Variants in SLC2A11 observed in about 807,000 individuals in gnomAD.
SLC2A11 encodes solute carrier family 2 member 11.
SLC2A11 carries 43 observed loss-of-function variants against 52.1 expected under a neutral mutation model. That is an observed-to-expected ratio of 0.82 (90% CI 0.65 to 1.06). SLC2A11 has a LOEUF of 1.06. SLC2A11 is among the 50% of genes least tolerant of loss of function. SLC2A11 has a pLI of 0.00. For missense variants in SLC2A11, 582 were observed against 654.2 expected (o/e 0.89, Z 1.20); for synonymous variants, 261 against 277.6 (o/e 0.94, Z 0.59).
At chr22:23,858,228 G>A in intron 1 of SLC2A11, 199 bp downstream of exon 1, 2 of 849,594 alleles carry the variant, frequency 2.4e-6, no homozygotes, top group Non-Finnish European at 3.9e-6. Context: ...GTCGGCCTGT[G>A]GGCCAGAGCA....
intron 2 of SLC2A11, among the ~76,000 whole-genome samples, chr22:23,864,401 A>G (rs1427774677): frequency 2.0e-5 from 3 of 152,128 alleles, no homozygotes; most frequent in Non-Finnish European, 4.4e-5. Context: ...GGCTCACTGC[A>G]ACCTCCACCT....
At chr22:23,857,446 A>C, upstream of SLC2A11, 4 of 1,613,088 alleles carry the variant, frequency 2.5e-6, no homozygotes, top group Non-Finnish European at 3.4e-6. Context: ...TTAGCCGAGT[A>C]AGGAGTGAGC....
At chr22:23,859,737 C>T (rs879706114) in intron 1 of SLC2A11, among the ~76,000 whole-genome samples, 2 of 152,250 alleles carry the variant, frequency 1.3e-5, no homozygotes, top group Non-Finnish European at 2.9e-5. Context: ...GGTCTGCCCA[C>T]CTCGGCCTCC....
At position 23,857,912 on chromosome 22, in the gene SLC2A11, CCG is replaced by C; in HGVS notation, c.-84_-83del. 6.3e-7 allele frequency: 1 copy of C among 1,582,076 alleles called. No individual in the cohort carries two copies. The highest frequency in any genetic ancestry group is 8.6e-7 in the Non-Finnish European group (1 of 1,165,152). On this transcript the variant is annotated 5_prime_UTR_variant, in exon 1 of 12. Transcript: ENST00000316185. ...TGGGCGCTGCGCGCTGCCCTTCCCTCCGCGCACAGGCTGCCGGCTCACCGCTT... is the reference window on the plus strand; with the variant it reads ...TGGGCGCTGCGCGCTGCCCTTCCCTCCGCACAGGCTGCCGGCTCACCGCTT...
In SLC2A11 at chr22:23,884,092, C is replaced by T. The variant is rs2032920783; in HGVS notation, c.1171+68C>T. ...AAGGAGTGATGGGTGCCTGGGTGCA[C>T]AGTGGGTGGGTGTGAATGCAATGTC... On this transcript the variant is annotated intron_variant, in intron 10 of 11. Coordinates refer to ENST00000316185, the MANE Select transcript of SLC2A11 (RefSeq NM_001024939.4). The surrounding 1 kb of genome is among the most constrained non-coding windows in gnomAD (Gnocchi z 4.3). 4 of 1,579,596 alleles carry T rather than the reference C, an allele frequency of 2.5e-6. No individual in the cohort carries two copies. The African/African-American group carries it at 5.5e-5, about 22-fold the overall frequency.
Position 23,883,069 on chromosome 22 carries a change from G to A in SLC2A11, c.993+200G>A, listed in dbSNP as rs1482133024. The A allele has an allele frequency of 4.6e-6, 3 of 659,272 alleles. No homozygotes were observed. The Admixed American group carries it at 6.5e-5, about 14-fold the overall frequency. The allele number at this position is 659,272 out of a possible 1,614,324, so 40.8% of individuals were successfully genotyped here. On this transcript the variant is annotated intron_variant, in intron 8 of 11. Coordinates refer to ENST00000316185, the MANE Select transcript of SLC2A11 (RefSeq NM_001024939.4). Reference sequence around the variant, plus strand: ...AGGTCAGGAGTTCGAGACCAGCCTGGCCAACACAGTGAAACCCCCGTCTCT... The same window carrying A: ...AGGTCAGGAGTTCGAGACCAGCCTGACCAACACAGTGAAACCCCCGTCTCT...
Position 23,884,047 on chromosome 22 carries a change from G to T in SLC2A11, c.1171+23G>T. On this transcript the variant is annotated intron_variant, in intron 10 of 11. Coordinates refer to ENST00000316185, the MANE Select transcript of SLC2A11 (RefSeq NM_001024939.4). This position sits in a 1 kb window ranked among gnomAD's most constrained non-coding sequence, Gnocchi z 4.3. ...CTGGTGAGTGGGCCCAAGGGGCTCT[G>T]GGCATCCATCATCACATAGAAGGAG... 6.2e-7 allele frequency: 1 copy of T among 1,606,408 alleles called. No homozygotes were observed. Among genetic ancestry groups the T allele is most frequent in the Non-Finnish European group, 8.5e-7 (1 of 1,177,884 alleles).
rs1174622371 is a variant in SLC2A11 at position 23,884,611 on chromosome 22, G to C, written c.1300-38G>C. 1 of 1,591,178 alleles carries C rather than the reference G, an allele frequency of 6.3e-7. No homozygotes were observed. On this transcript the variant is annotated intron_variant, in intron 11 of 11. Transcript: ENST00000316185. The surrounding 1 kb of genome is among the most constrained non-coding windows in gnomAD (Gnocchi z 4.3). ...TGGGCCTTCTGTTTAGGGGTTGATGGAGACACACCAGGTCTTGGGGTCTTT... is the reference window on the plus strand; with the variant it reads ...TGGGCCTTCTGTTTAGGGGTTGATGCAGACACACCAGGTCTTGGGGTCTTT...
chr22:23,877,153 G>T lies in SLC2A11; in HGVS notation c.527G>T (p.Gly176Val). Reference sequence around the variant, plus strand: ...TTTACGGCTCTGGGGATCGTGATGGGACAGGTGGTCGGACTCAGGTAAGCA... The same window carrying T: ...TTTACGGCTCTGGGGATCGTGATGGTACAGGTGGTCGGACTCAGGTAAGCA... ...AIFTALGIVM[G>V]QVVGLRELLG... The change falls in exon 5 of 12, where the codon GGA (glycine) becomes GTA (valine). Residue 176 changes from glycine (G) to valine (V), a missense_variant. Gly to Val is a moderately radical substitution (Grantham distance 109). Coordinates refer to ENST00000316185, the MANE Select transcript of SLC2A11 (RefSeq NM_001024939.4). 1 of 1,612,374 alleles carries T rather than the reference G, an allele frequency of 6.2e-7. No individual in the cohort carries two copies. Among genetic ancestry groups the T allele is most frequent in the Non-Finnish European group, 8.5e-7 (1 of 1,179,192 alleles).
At chr22:23,876,287 A>G (rs975648951) in intron 4 of SLC2A11, among the ~76,000 whole-genome samples, 1 of 152,152 alleles carries the variant, frequency 6.6e-6, no homozygotes, top group African/African-American at 2.4e-5. Flanking sequence ...TTCATGTCCC[A>G]AGTACCCATC....
In SLC2A11 at chr22:23,862,123, T is replaced by A. The variant is rs201395239; in HGVS notation, c.50T>A (p.Leu17His). Residue 17 changes from leucine (L) to histidine (H), a missense_variant, in exon 2 of 12, where the codon CTC (leucine) becomes CAC (histidine). Coordinates refer to ENST00000316185, the MANE Select transcript of SLC2A11 (RefSeq NM_001024939.4). ...CCTCAGATTCAGGGCAGGATCCTGC[T>A]CCTGACCATCTGCGCTGCCGGCATT... Reference protein sequence around the residue: ...RSRMIQGRILLLTICAAGIGG... With the variant: ...RSRMIQGRILHLTICAAGIGG... 1 of 1,614,098 alleles carries A rather than the reference T, an allele frequency of 6.2e-7. No homozygotes were observed. The highest frequency in any genetic ancestry group is 1.3e-5 in the African/African-American group (1 of 75,042).
upstream of SLC2A11, chr22:23,856,946 C>T: frequency 6.2e-7 from 1 of 1,609,550 alleles, no homozygotes. Flanking sequence ...TCCGCCAAGT[C>T]TCTCGCTCTG....
chr22:23,883,072 A>G (rs2032884498), intron 8 of SLC2A11: 1 of 652,908 alleles, frequency 1.5e-6, no homozygotes, highest in African/African-American at 1.8e-5. Context: ...CAGCCTGGCC[A>G]ACACAGTGAA....
At chr22:23,868,316 G>A in intron 2 of SLC2A11, 165 bp from the exon 3 acceptor site, 2 of 715,114 alleles carry the variant, frequency 2.8e-6, no homozygotes, top group Non-Finnish European at 4.6e-6. Flanking sequence ...CAAGGGAGGT[G>A]CTCAGGCGAG....
chr22:23,877,463 T>C, intron 5 of SLC2A11: 1 of 765,824 alleles, frequency 1.3e-6, no homozygotes, highest in Non-Finnish European at 2.3e-6. Context: ...TTCCAGTCAT[T>C]CCAGAAAAAA....
At chr22:23,873,247 CCT>C (rs1196945432) in intron 3 of SLC2A11, 1 of 150,056 alleles carries the variant, frequency 6.7e-6, no homozygotes, top group Non-Finnish European at 1.5e-5. Context: ...GTCCCGAACC[CCT>C]GACCTCAGGT....
At chr22:23,870,201 G>A (rs1337540913) in intron 3 of SLC2A11, 1 of 606,652 alleles carries the variant, frequency 1.6e-6, no homozygotes, top group Non-Finnish European at 3.0e-6. Flanking sequence ...GAAGACGGAG[G>A]TAATAACTAT....
intron 4 of SLC2A11, among the ~76,000 whole-genome samples, chr22:23,876,407 G>A (rs7288166): frequency 0.013 from 2,021 of 152,214 alleles, 52 homozygotes; most frequent in African/African-American, 0.046. Flanking sequence ...CCAACTCGTA[G>A]ATAGAGGGGC....
At chr22:23,862,438 T>TG (rs5844571) in intron 2 of SLC2A11, 160,106 of 493,914 alleles carry the variant, frequency 0.32, 27,509 homozygotes, top group Non-Finnish European at 0.35. Flanking sequence ...CACCTAGTGA[T>TG]GGGGGGTCAG....
Sources: gnomAD v4.1 joint callset for allele counts (sites outside exome capture counted in the v4.1 genomes callset) on GRCh38, gnomAD v4.1.1 for gene constraint, Gnocchi (gnomAD v3.1) non-coding constraint, MANE v1.5 for transcripts, NCBI Gene and HGNC (gene_info 2026-07-23, HGNC 2026-07-21) for gene names.